The following PID1 variants were observed in gnomAD, a reference collection of about 807,000 sequenced individuals.
PID1 encodes PTB-containing, cubilin and LRP1-interacting protein.
Under a neutral mutation model 19.1 loss-of-function variants are expected in PID1, and 10 were observed. The observed-to-expected ratio is 0.52, with a 90% CI of 0.32 to 0.89. The LOEUF (loss-of-function observed/expected upper bound fraction) is 0.89, where lower values mean the gene tolerates loss of function less well. Among genes scored for constraint, PID1 ranks in the 40% least tolerant of loss-of-function variants. The probability of loss-of-function intolerance (pLI) is 0.03; values close to 1 mark genes in which losing one functional copy is unlikely to be tolerated. For missense variants in PID1, 248 were observed against 285.3 expected, an observed-to-expected ratio of 0.87 and a Z score of 0.94; for synonymous variants, 130 against 116.0, an observed-to-expected ratio of 1.12 and a Z score of -0.78.
intron 2 of PID1, among the ~76,000 whole-genome samples, chr2:229,073,520 C>CT (rs1432894607): frequency 6.6e-6 from 1 of 152,196 alleles, no homozygotes; most frequent in Non-Finnish European, 1.5e-5. Context: ...AATCAATATT[C>CT]TCCTGTCTTC....
chr2:229,232,308 T>G (rs1345550222), intron 1 of PID1, among the ~76,000 whole-genome samples: 1 of 151,594 alleles, frequency 6.6e-6, no homozygotes, highest in Non-Finnish European at 1.5e-5. Flanking sequence ...GACGGGCACC[T>G]GTAGTCCCAG....
rs780202093 is a variant in PID1 at position 229,024,652 on chromosome 2, T to G, written c.*980A>C. 6.6e-6 allele frequency: 1 copy of G among 152,662 alleles called. No individual in the cohort carries two copies. The highest frequency in any genetic ancestry group is 1.5e-5 in the Non-Finnish European group (1 of 68,052). 9.5% of individuals were successfully genotyped at this position (152,662 alleles called of 1,614,324 possible). On this transcript the variant is annotated 3_prime_UTR_variant, in exon 3 of 3. Transcript: ENST00000392055. ...GTTTCCTCGGTGATACCAAATCAGA[T>G]TTGAAGCTTGCCATCAAGGATGCAT...
At chr2:229,191,807 A>C (rs947377977) in intron 1 of PID1, among the ~76,000 whole-genome samples, 7 of 152,240 alleles carry the variant, frequency 4.6e-5, no homozygotes, top group African/African-American at 1.7e-4. Flanking sequence ...AGAGATAGTG[A>C]GGAATATTGT....
At chr2:229,185,231 C>G (rs891382411) in intron 1 of PID1, among the ~76,000 whole-genome samples, 6 of 151,630 alleles carry the variant, frequency 4.0e-5, no homozygotes, top group African/African-American at 1.5e-4. Flanking sequence ...TCTCTGAAAA[C>G]ACTTATGCAC....
intron 1 of PID1, among the ~76,000 whole-genome samples, chr2:229,194,182 G>T (rs1284689242): frequency 6.6e-6 from 1 of 151,956 alleles, no homozygotes; most frequent in South Asian, 2.1e-4. Flanking sequence ...TTTCTAGATG[G>T]CTAGTTAATC....
intron 1 of PID1, among the ~76,000 whole-genome samples, chr2:229,185,090 T>TCCTATATATATAA (rs2106224998): frequency 6.8e-6 from 1 of 147,426 alleles, no homozygotes; most frequent in African/African-American, 2.5e-5. Context: ...TACATATATA[T>TCCTATATATATAA]CCTATATATA....
chr2:229,093,277 C>T (rs1451018666), intron 2 of PID1, among the ~76,000 whole-genome samples: 5 of 151,968 alleles, frequency 3.3e-5, no homozygotes, highest in Non-Finnish European at 7.4e-5. Context: ...GTGCATGCCA[C>T]CATGCCCAGC....
Position 229,220,024 on chromosome 2 carries a change from T to C in PID1, c.30+50990A>G, listed in dbSNP as rs1313478409. On this transcript the variant is annotated intron_variant, in intron 1 of 2. Transcript: ENST00000392055. ...CCATTTGTCCTTTTGTTTTGGGGAC[T>C]CTTTTTTTTTTTTGAATCAAGGCCT... Among the ~76,000 whole-genome samples, 4 of 151,664 alleles carry C rather than the reference T, an allele frequency of 2.6e-5. No individual in the cohort carries two copies. In the East Asian group the frequency reaches 5.9e-4, roughly 22 times the overall value.
rs1431668157 is a variant in PID1, at chr2:229,177,029, G to T, written c.31-21065C>A. ...GGAGGCCTCACAATCATGGCAGAAT[G>T]TGAAAGGTACATCTCACATGGCAGC... is the stretch of plus-strand genomic sequence containing the variant. On this transcript the variant is annotated intron_variant, in intron 1 of 2. Coordinates refer to ENST00000392055, the MANE Select transcript of PID1 (RefSeq NM_001100818.2). 2.6e-5 allele frequency among the ~76,000 whole-genome samples: 4 copies of T among 152,226 alleles called. No homozygotes were observed. The East Asian group carries it at 7.7e-4, about 29-fold the overall frequency.
At chr2:229,088,670 A>C (rs1045239267) in intron 2 of PID1, among the ~76,000 whole-genome samples, 1 of 152,158 alleles carries the variant, frequency 6.6e-6, no homozygotes, top group Non-Finnish European at 1.5e-5. Flanking sequence ...CAATTTGATC[A>C]TAGTTTCCAC....
intron 1 of PID1, among the ~76,000 whole-genome samples, chr2:229,191,327 C>T (rs567049910): frequency 2.0e-5 from 3 of 152,280 alleles, no homozygotes; most frequent in East Asian, 1.9e-4. Context: ...AAGTCAGCCA[C>T]GTGGCCCAGT....
intron 1 of PID1, among the ~76,000 whole-genome samples, chr2:229,231,580 T>C (rs1169820377): frequency 6.6e-6 from 1 of 152,140 alleles, no homozygotes; most frequent in African/African-American, 2.4e-5. Context: ...CCAGGCACTC[T>C]GAGACATCTG....
intron 2 of PID1, among the ~76,000 whole-genome samples, chr2:229,071,009 A>C (rs2106201929): frequency 6.6e-6 from 1 of 152,296 alleles, no homozygotes; most frequent in South Asian, 2.1e-4. Flanking sequence ...ATCTACCTCT[A>C]TATTTAGATT....
At chr2:229,174,889 G>A (rs1690787305) in intron 1 of PID1, among the ~76,000 whole-genome samples, 2 of 152,202 alleles carry the variant, frequency 1.3e-5, no homozygotes, top group African/African-American at 4.8e-5. Context: ...ACCTCAAGAG[G>A]AGATGTCTAT....
intron 2 of PID1, among the ~76,000 whole-genome samples, chr2:229,131,877 AC>A (rs750457262): frequency 1.3e-5 from 2 of 152,040 alleles, no homozygotes; most frequent in Non-Finnish European, 2.9e-5. Flanking sequence ...TCATTGTTAA[AC>A]AACAGTGACA....
At chr2:229,145,563 C>T (rs1264028582) in intron 2 of PID1, among the ~76,000 whole-genome samples, 4 of 152,006 alleles carry the variant, frequency 2.6e-5, no homozygotes, top group Non-Finnish European at 2.9e-5. Context: ...ACTCTCTTAA[C>T]AGGAAATCAT....
chr2:229,048,399 G>C (rs1693925781), intron 2 of PID1, among the ~76,000 whole-genome samples: 1 of 152,154 alleles, frequency 6.6e-6, no homozygotes, highest in South Asian at 2.1e-4. Context: ...ATCCTCTGGA[G>C]GGTCTCTCGA....
intron 1 of PID1, among the ~76,000 whole-genome samples, chr2:229,248,219 G>C (rs947032075): frequency 6.6e-6 from 1 of 152,122 alleles, no homozygotes; most frequent in African/African-American, 2.4e-5. Flanking sequence ...GTACTGCACT[G>C]GGTTGTCATG....
At chr2:229,032,151 C>A (rs1174239794) in intron 2 of PID1, among the ~76,000 whole-genome samples, 3 of 152,152 alleles carry the variant, frequency 2.0e-5, no homozygotes, top group African/African-American at 7.2e-5. Context: ...TAAACAGAAA[C>A]CCTGTTTATG....
Sources: gnomAD v4.1 joint callset for allele counts (sites outside exome capture counted in the v4.1 genomes callset) on GRCh38, gnomAD v4.1.1 for gene constraint, MANE v1.5 for transcripts, NCBI Gene and HGNC (gene_info 2026-07-23, HGNC 2026-07-21) for gene names.